The following GRIK2 variants were observed in gnomAD, a reference collection of about 807,000 sequenced individuals.
GRIK2 encodes the protein glutamate ionotropic receptor kainate type subunit 2.
In GRIK2, 32 loss-of-function variants were observed where a neutral mutation model predicts 100.3. The ratio of observed to expected loss-of-function variants is 0.32; its 90% CI spans 0.24 to 0.43. GRIK2 has a LOEUF of 0.43. GRIK2 is among the 20% of genes least tolerant of loss of function. GRIK2 has a pLI of 1.00. For missense variants in GRIK2, 843 were observed against 1,114.9 expected (o/e 0.76, Z 3.47); for synonymous variants, 417 against 389.4 (o/e 1.07, Z -0.83).
At chr6:101,849,937 C>G (rs1269993682) in intron 10 of GRIK2, among the ~76,000 whole-genome samples, 1 of 139,722 alleles carries the variant, frequency 7.2e-6, no homozygotes, top group Non-Finnish European at 1.5e-5. Flanking sequence ...TCAGCTGTTG[C>G]CACAAATAAA....
intron 14 of GRIK2, among the ~76,000 whole-genome samples, chr6:101,941,889 A>G (rs1277297617): frequency 3.9e-5 from 6 of 152,128 alleles, no homozygotes; most frequent in Non-Finnish European, 7.4e-5. Flanking sequence ...AATATGAGAA[A>G]CTGTCCAATT....
At chr6:101,697,555 A>AT (rs1278937532) in intron 7 of GRIK2, among the ~76,000 whole-genome samples, 11 of 151,914 alleles carry the variant, frequency 7.2e-5, no homozygotes, top group Non-Finnish European at 1.6e-4. Context: ...GATATGTATC[A>AT]TTTTTTCTCA....
intron 2 of GRIK2, among the ~76,000 whole-genome samples, chr6:101,612,291 C>T (rs1779715319): frequency 1.3e-5 from 2 of 151,812 alleles, no homozygotes; most frequent in Admixed American, 6.6e-5. Flanking sequence ...AAATCTTAGA[C>T]TCAGTAATTG....
intron 2 of GRIK2, among the ~76,000 whole-genome samples, chr6:101,612,272 A>G (rs1425191459): frequency 6.6e-6 from 1 of 151,870 alleles, no homozygotes; most frequent in East Asian, 1.9e-4. Context: ...AAACATAAAG[A>G]AGAAAAACAA....
intron 2 of GRIK2, among the ~76,000 whole-genome samples, chr6:101,562,110 T>G (rs1777049577): frequency 6.6e-6 from 1 of 152,114 alleles, no homozygotes. Flanking sequence ...TTTGGCTCAG[T>G]GCATGTCTGT....
At chr6:101,435,423 A>G (rs942811301) in intron 2 of GRIK2, among the ~76,000 whole-genome samples, 1 of 151,820 alleles carries the variant, frequency 6.6e-6, no homozygotes, top group African/African-American at 2.4e-5. Flanking sequence ...AGAAAGTTGA[A>G]AACAGACTTT....
intron 7 of GRIK2, among the ~76,000 whole-genome samples, chr6:101,755,469 A>G (rs1777080866): frequency 1.3e-5 from 2 of 152,038 alleles, no homozygotes; most frequent in Non-Finnish European, 2.9e-5. Context: ...GCCCGGCCGC[A>G]TAAATCATTT....
At chr6:101,441,806 C>G (rs1442829829) in intron 2 of GRIK2, among the ~76,000 whole-genome samples, 1 of 152,030 alleles carries the variant, frequency 6.6e-6, no homozygotes, top group Non-Finnish European at 1.5e-5. Context: ...CTCAAATAGG[C>G]CCTAATGTCT....
chr6:101,915,855 C>T (rs1000207426), intron 12 of GRIK2, among the ~76,000 whole-genome samples: 1 of 151,268 alleles, frequency 6.6e-6, no homozygotes, highest in African/African-American at 2.4e-5. Context: ...CAATCTATCC[C>T]GGAAGGTATT....
rs577592608 is a variant in GRIK2, at chr6:101,405,006, C to T, written c.115+5614C>T. Reference sequence around the variant, plus strand: ...TTAAATTGGCTGATTGAAGTCACAGCGGTCATGGGGCGATAAAGACCATTT... The same window carrying T: ...TTAAATTGGCTGATTGAAGTCACAGTGGTCATGGGGCGATAAAGACCATTT... On this transcript the variant is annotated intron_variant, in intron 2 of 16. Coordinates refer to ENST00000369134, the MANE Select transcript of GRIK2 (RefSeq NM_021956.5). Among the ~76,000 whole-genome samples the T allele has an allele frequency of 5.3e-5, 8 of 152,224 alleles. No homozygotes were observed. In the South Asian group the frequency reaches 8.3e-4, roughly 16 times the overall value.
At chr6:101,938,767 A>G (rs1790770631) in intron 14 of GRIK2, among the ~76,000 whole-genome samples, 1 of 152,082 alleles carries the variant, frequency 6.6e-6, no homozygotes. Flanking sequence ...TTTGAGTTAA[A>G]TTATGGATGG....
chr6:101,443,460 G>C, intron 2 of GRIK2, among the ~76,000 whole-genome samples: 1 of 152,140 alleles, frequency 6.6e-6, no homozygotes, highest in East Asian at 1.9e-4. Context: ...TTATGTGGCA[G>C]TATTGTGATG....
At chr6:101,483,998 T>G (rs1772678220) in intron 2 of GRIK2, among the ~76,000 whole-genome samples, 1 of 152,166 alleles carries the variant, frequency 6.6e-6, no homozygotes, top group Admixed American at 6.5e-5. Flanking sequence ...CCAGTTAGAG[T>G]GTTGTATAGA....
intron 4 of GRIK2, among the ~76,000 whole-genome samples, chr6:101,669,272 A>G (rs1032279974): frequency 1.6e-4 from 25 of 152,168 alleles, no homozygotes; most frequent in Non-Finnish European, 2.4e-4. Context: ...ATAGGCACCA[A>G]ATTTGTTAGT....
At chr6:101,614,010 G>A (rs1036091210) in intron 2 of GRIK2, among the ~76,000 whole-genome samples, 1 of 151,604 alleles carries the variant, frequency 6.6e-6, no homozygotes, top group Non-Finnish European at 1.5e-5. Flanking sequence ...TCTCCAGAGA[G>A]GTGAGGGACT....
chr6:101,798,706 A>T (rs1253115136), intron 7 of GRIK2, among the ~76,000 whole-genome samples: 1 of 152,020 alleles, frequency 6.6e-6, no homozygotes, highest in East Asian at 1.9e-4. Context: ...CATGCCAAGC[A>T]GATGGCCAAA....
At chr6:101,580,445 C>A (rs1778020470) in intron 2 of GRIK2, among the ~76,000 whole-genome samples, 1 of 152,146 alleles carries the variant, frequency 6.6e-6, no homozygotes, top group African/African-American at 2.4e-5. Flanking sequence ...AGAATCTGAC[C>A]ATTTTTCACC....
In GRIK2 at chr6:101,759,943, G is replaced by T. The variant is rs974662845; in HGVS notation, c.952-39705G>T. Among the ~76,000 whole-genome samples, 2 of 126,282 alleles carry T rather than the reference G, an allele frequency of 1.6e-5. 1 individual carries two copies. The highest frequency in any genetic ancestry group is 3.0e-5 in the Non-Finnish European group (2 of 65,908). 82.8% of individuals were successfully genotyped at this position (126,282 alleles called of 152,430 possible). ...AGGCCGGACTGCGGACTGCAGTGGC[G>T]CAATCTCGGCTCACTTCCCGGGTTC... On this transcript the variant is annotated intron_variant, in intron 7 of 16. Coordinates refer to ENST00000369134, the MANE Select transcript of GRIK2 (RefSeq NM_021956.5).
rs116445579 is a variant in GRIK2, at chr6:101,666,665, T to G, written c.542-9958T>G. 7.1e-3 allele frequency among the ~76,000 whole-genome samples: 1,076 copies of G among 152,286 alleles called. 10 individuals carry two copies. Among genetic ancestry groups the G allele is most frequent in the African/African-American group, 0.024 (987 of 41,564 alleles). ...AATTCTTTATTACACAGATGCCAAATAGAAAAGTGAATTTAAAAGTCTAGA... is the reference window on the plus strand; with the variant it reads ...AATTCTTTATTACACAGATGCCAAAGAGAAAAGTGAATTTAAAAGTCTAGA... On this transcript the variant is annotated intron_variant, in intron 4 of 16. Coordinates refer to ENST00000369134, the MANE Select transcript of GRIK2 (RefSeq NM_021956.5).
Sources: allele counts gnomAD v4.1 joint callset (sites outside exome capture counted in the v4.1 genomes callset), GRCh38; gene constraint gnomAD v4.1.1; transcripts MANE v1.5; gene names NCBI Gene and HGNC (gene_info 2026-07-23, HGNC 2026-07-21).